The following KIAA2012 variants were observed in gnomAD, a reference collection of about 807,000 sequenced individuals.
KIAA2012 encodes the protein KIAA2012, also known as uncharacterized protein KIAA2012.
A neutral mutation model predicts 150.6 loss-of-function variants in KIAA2012; 125 were observed. The ratio of observed to expected loss-of-function variants is 0.83; its 90% confidence interval spans 0.72 to 0.96. KIAA2012 has a LOEUF of 0.96. Ranked by LOEUF, KIAA2012 falls within the 40% of genes least tolerant of loss-of-function variation. The pLI is 0.00. For synonymous variants in KIAA2012, 462 were observed against 504.7 expected, an observed-to-expected ratio of 0.92 and a Z score of 1.13; for missense variants, 1,219 against 1,354.9, an observed-to-expected ratio of 0.90 and a Z score of 1.57.
intron 14 of KIAA2012, among the ~76,000 whole-genome samples, chr2:202,160,313 C>CTTTTTT (rs774846619): frequency 8.2e-6 from 1 of 122,218 alleles, no homozygotes; most frequent in African/African-American, 3.1e-5. Flanking sequence ...TTCATAAGGT[C>CTTTTTT]TTTTTTTTTT....
intron 15 of KIAA2012, among the ~76,000 whole-genome samples, chr2:202,172,110 A>T (rs1252795854): frequency 1.3e-5 from 2 of 152,204 alleles, no homozygotes; most frequent in Non-Finnish European, 2.9e-5. Flanking sequence ...GGCGTGAGCC[A>T]CCGCGCCTGG....
chr2:202,171,095 G>A (rs1206876040), intron 15 of KIAA2012, among the ~76,000 whole-genome samples: 17 of 143,712 alleles, frequency 1.2e-4, no homozygotes, highest in Non-Finnish European at 2.2e-4. Flanking sequence ...CGGGGAAATA[G>A]AGATTTAAAG....
intron 4 of KIAA2012, among the ~76,000 whole-genome samples, chr2:202,095,012 A>G (rs1689829752): frequency 6.6e-6 from 1 of 152,172 alleles, no homozygotes; most frequent in Non-Finnish European, 1.5e-5. Context: ...TGGTTTTCTC[A>G]TTTATAAAAT....
intron 14 of KIAA2012, among the ~76,000 whole-genome samples, chr2:202,155,554 C>T (rs975214055): frequency 6.6e-6 from 1 of 152,204 alleles, no homozygotes; most frequent in Non-Finnish European, 1.5e-5. Context: ...ACCAGGAACA[C>T]AGCCAGGCCT....
intron 22 of KIAA2012, chr2:202,197,228 G>A: frequency 1.3e-6 from 1 of 794,090 alleles, no homozygotes; most frequent in Non-Finnish European, 2.0e-6. Flanking sequence ...GAATCTACAA[G>A]GGAGTTTGGA....
In KIAA2012 at chr2:202,125,203, C is replaced by T; in HGVS notation, c.1763-11C>T. On this transcript the variant is annotated splice_polypyrimidine_tract_variant and intron_variant, in intron 11 of 23. Transcript: ENST00000498697. Reference sequence around the variant, plus strand: ...TCCCGCTCTCAGGTAAAATATCTTACTGTTTTTCAGCCTATGAATCTGTCA... The same window carrying T: ...TCCCGCTCTCAGGTAAAATATCTTATTGTTTTTCAGCCTATGAATCTGTCA... 6.5e-7 allele frequency: 1 copy of T among 1,547,982 alleles called. No homozygotes were observed. Among genetic ancestry groups the T allele is most frequent in the Non-Finnish European group, 8.7e-7 (1 of 1,144,940 alleles).
intron 15 of KIAA2012, among the ~76,000 whole-genome samples, chr2:202,170,961 TC>T (rs1285187489): frequency 1.3e-5 from 2 of 152,168 alleles, no homozygotes; most frequent in Non-Finnish European, 2.9e-5. Flanking sequence ...AAGTACCACA[TC>T]CTTGCTCGCA....
chr2:202,079,407 C>G (rs1266717382), intron 2 of KIAA2012, among the ~76,000 whole-genome samples: 2 of 152,188 alleles, frequency 1.3e-5, no homozygotes, highest in Non-Finnish European at 2.9e-5. Context: ...ACGGAAGGAT[C>G]TGTTCTTGGC....
At chr2:202,133,960 G>A (rs1467327587) in intron 12 of KIAA2012, among the ~76,000 whole-genome samples, 1 of 151,556 alleles carries the variant, frequency 6.6e-6, no homozygotes, top group Non-Finnish European at 1.5e-5. Context: ...TTCCTTTTAT[G>A]GTTAAGTTTA....
At chr2:202,187,522 G>T (rs906595117) in intron 17 of KIAA2012, among the ~76,000 whole-genome samples, 9 of 152,128 alleles carry the variant, frequency 5.9e-5, no homozygotes, top group African/African-American at 2.2e-4. Flanking sequence ...GGCCAGGCTG[G>T]TCTCGAACTC....
intron 2 of KIAA2012, among the ~76,000 whole-genome samples, chr2:202,088,952 A>T (rs931728032): frequency 6.6e-6 from 1 of 152,176 alleles, no homozygotes; most frequent in African/African-American, 2.4e-5. Flanking sequence ...CATGAGGCAG[A>T]GCAGGCCTTG....
intron 15 of KIAA2012, among the ~76,000 whole-genome samples, chr2:202,180,939 T>C (rs1433570157): frequency 6.6e-6 from 1 of 152,224 alleles, no homozygotes; most frequent in African/African-American, 2.4e-5. Flanking sequence ...AAGTCACTTA[T>C]GGTACATTCA....
intron 9 of KIAA2012, chr2:202,106,148 T>A: frequency 1.8e-6 from 2 of 1,141,408 alleles, no homozygotes; most frequent in African/African-American, 1.6e-5. Flanking sequence ...CTGCTAATAT[T>A]TTAACAGTGT....
At position 202,077,416 on chromosome 2, in the gene KIAA2012, G is replaced by T. The variant is rs539725238; in HGVS notation, c.369+2241G>T. Among the ~76,000 whole-genome samples the T allele has an allele frequency of 3.3e-5, 5 of 152,174 alleles. No individual in the cohort carries two copies. In the South Asian group the frequency reaches 1.0e-3, roughly 32 times the overall value. On this transcript the variant is annotated intron_variant, in intron 2 of 23. Coordinates refer to ENST00000498697, the MANE Select transcript of KIAA2012 (RefSeq NM_001277372.4). The stretch of plus-strand genomic sequence containing the variant: ...TTTATAAAGTAGATAAGTCAGTTTG[G>T]GGTGAGTTTCATTTTTGGTTATATT...
rs3068268 is a variant in KIAA2012 at position 202,200,707 on chromosome 2, C to CT, written c.3408-1707dup. Reference sequence around the variant, plus strand: ...AAGACCAATCAGAATAATTTTGGAACTTTTTTTTTTTTTTTGGTGACGGAG... The same window carrying CT: ...AAGACCAATCAGAATAATTTTGGAACTTTTTTTTTTTTTTTTGGTGACGGAG... On this transcript the variant is annotated intron_variant, in intron 22 of 23. Coordinates refer to ENST00000498697, the MANE Select transcript of KIAA2012 (RefSeq NM_001277372.4). Among the ~76,000 whole-genome samples the CT allele has an allele frequency of 5.7e-4, 71 of 124,264 alleles. 1 individual carries two copies. Among genetic ancestry groups the CT allele is most frequent in the East Asian group, 5.1e-3 (22 of 4,288 alleles). 81.5% of individuals were successfully genotyped at this position (124,264 alleles called of 152,430 possible).
chr2:202,090,712 A>G, intron 2 of KIAA2012, 58 bp from the exon 3 acceptor site: 2 of 1,482,926 alleles, frequency 1.3e-6, no homozygotes, highest in Non-Finnish European at 9.0e-7. Context: ...ACCAGCCTGT[A>G]TCACTGGGTG....
intron 12 of KIAA2012, 72 bp from the exon 13 acceptor site, chr2:202,138,359 TG>T (rs1249416068): frequency 3.6e-5 from 35 of 975,456 alleles, no homozygotes; most frequent in Non-Finnish European, 5.5e-5. Context: ...TGTGTGTGTA[TG>T]GTATATATAA....
rs1689254813 is a variant in KIAA2012, at chr2:202,073,594, G to C, written c.-34G>C. ...GATTTCAGCCTTCAAAACCAAGATG[G>C]ACTGCCCTTGAGAAGGGGTGGTCAG... On this transcript the variant is annotated 5_prime_UTR_variant, in exon 1 of 24. Transcript: ENST00000498697. The C allele has an allele frequency of 6.5e-7, 1 of 1,544,076 alleles. No homozygotes were observed. The highest frequency in any genetic ancestry group is 8.8e-7 in the Non-Finnish European group (1 of 1,142,418).
At chr2:202,115,965 T>G (rs1449011196) in intron 11 of KIAA2012, 1 of 151,128 alleles carries the variant, frequency 6.6e-6, no homozygotes, top group African/African-American at 2.4e-5. Flanking sequence ...CTTTTGGTCA[T>G]GTTGGGATAT....
Sources: allele counts gnomAD v4.1 joint callset (sites outside exome capture counted in the v4.1 genomes callset), GRCh38; gene constraint gnomAD v4.1.1; transcripts MANE v1.5; gene names NCBI Gene and HGNC (gene_info 2026-07-23, HGNC 2026-07-21).